VPS13B: variants seen among roughly 807,000 people sequenced by gnomAD.
The protein encoded by VPS13B is intermembrane lipid transfer protein VPS13B.
In VPS13B, 285 loss-of-function variants were observed where a neutral mutation model predicts 426.4. The ratio of observed to expected loss-of-function variants is 0.67; its 90% CI spans 0.61 to 0.74. The LOEUF is 0.74. Among genes scored for constraint, VPS13B ranks in the 30% least tolerant of loss-of-function variants. VPS13B has a pLI of 0.00. For synonymous variants in VPS13B, 1,676 were observed against 1,676.4 expected, an observed-to-expected ratio of 1.00 and a Z score of 0.01; for missense variants, 4,537 against 4,782.6, an observed-to-expected ratio of 0.95 and a Z score of 1.51.
Position 99,013,765 on chromosome 8 carries a change from G to C in VPS13B, c.-24G>C. The C allele has an allele frequency of 6.2e-7, 1 of 1,613,780 alleles. No individual in the cohort carries two copies. The highest frequency in any genetic ancestry group is 8.5e-7 in the Non-Finnish European group (1 of 1,179,898). On this transcript the variant is annotated 5_prime_UTR_variant, in exon 2 of 62. Transcript: ENST00000357162. Reference sequence around the variant, plus strand: ...TTTCTGTCTACTCCTTTCAGCTTCCGACTTCGACTCCTTACCTTAAAAGAT... The same window carrying C: ...TTTCTGTCTACTCCTTTCAGCTTCCCACTTCGACTCCTTACCTTAAAAGAT...
chr8:99,852,734 T>C (rs1002953590), intron 55 of VPS13B, among the ~76,000 whole-genome samples: 1 of 152,112 alleles, frequency 6.6e-6, no homozygotes, highest in African/African-American at 2.4e-5. Context: ...ACAGTGTGTA[T>C]AGAACACACT....
chr8:99,619,070 T>C lies in VPS13B; in HGVS notation c.5221-22741T>C, dbSNP rs559507602. ...TCTGCACTTCACGGTGGCCAAGTTG[T>C]TTCCCAAAGCTACCTTATAAGCATG... On this transcript the variant is annotated intron_variant, in intron 33 of 61. Transcript: ENST00000357162. 2.0e-5 allele frequency among the ~76,000 whole-genome samples: 3 copies of C among 152,348 alleles called. No individual in the cohort carries two copies. In the South Asian group the frequency reaches 6.2e-4, roughly 32 times the overall value.
intron 43 of VPS13B, among the ~76,000 whole-genome samples, chr8:99,807,687 G>T (rs556633287): frequency 2.0e-5 from 3 of 151,624 alleles, no homozygotes; most frequent in African/African-American, 7.3e-5. Flanking sequence ...TTGTGTGTGT[G>T]TGTGTGTGTG....
chr8:99,375,067 A>G (rs945863168), intron 19 of VPS13B, among the ~76,000 whole-genome samples: 12 of 152,118 alleles, frequency 7.9e-5, no homozygotes, highest in Non-Finnish European at 1.6e-4. Flanking sequence ...TCATCTCTCC[A>G]GCCTTGCTTC....
chr8:99,518,692 G>A (rs1351111603), intron 29 of VPS13B, among the ~76,000 whole-genome samples: 1 of 151,688 alleles, frequency 6.6e-6, no homozygotes, highest in Admixed American at 6.6e-5. Context: ...TAATTCTGAC[G>A]TTCTTTCCTT....
intron 3 of VPS13B, 55 bp downstream of exon 3, chr8:99,038,621 C>CATTTCTT: frequency 7.1e-7 from 1 of 1,413,764 alleles, no homozygotes; most frequent in South Asian, 1.2e-5. Flanking sequence ...TAGTATTTGA[C>CATTTCTT]ATTTCTTTAC....
chr8:99,497,266 A>G (rs1447886503), intron 25 of VPS13B, among the ~76,000 whole-genome samples: 1 of 141,914 alleles, frequency 7.0e-6, no homozygotes, highest in African/African-American at 2.5e-5. Context: ...TGTATCATAT[A>G]TGTATATATT....
intron 21 of VPS13B, among the ~76,000 whole-genome samples, chr8:99,416,230 C>A (rs1429533412): frequency 6.6e-6 from 1 of 152,130 alleles, no homozygotes; most frequent in African/African-American, 2.4e-5. Context: ...GGAAAATCAC[C>A]TATTCAAGCC....
Position 99,506,053 on chromosome 8 carries a change from C to T in VPS13B, c.4158-1084C>T, listed in dbSNP as rs138849732. Among the ~76,000 whole-genome samples the T allele has an allele frequency of 6.3e-3, 963 of 152,082 alleles. 8 individuals carry two copies. Among genetic ancestry groups the T allele is most frequent in the African/African-American group, 0.022 (904 of 41,464 alleles). On this transcript the variant is annotated intron_variant, in intron 27 of 61. Transcript: ENST00000357162. Reference sequence around the variant, plus strand: ...CTATATTTTATATTTGTTAAGATGCCTGCAACCCAGTTGATGGCTCTGATT... The same window carrying T: ...CTATATTTTATATTTGTTAAGATGCTTGCAACCCAGTTGATGGCTCTGATT...
Position 99,084,196 on chromosome 8 carries a change from C to T in VPS13B, c.292-12116C>T, listed in dbSNP as rs146165309. Among the ~76,000 whole-genome samples the T allele has an allele frequency of 5.4e-3, 814 of 151,950 alleles. 6 individuals are homozygous for T. Among genetic ancestry groups the T allele is most frequent in the African/African-American group, 0.018 (759 of 41,480 alleles). Reference sequence around the variant, plus strand: ...CTGGGTTAGTCTTGGGAGGGTGTGTCGAGGAATTTATCCATTTCTTCTAGA... The same window carrying T: ...CTGGGTTAGTCTTGGGAGGGTGTGTTGAGGAATTTATCCATTTCTTCTAGA... On this transcript the variant is annotated intron_variant, in intron 3 of 61. Transcript: ENST00000357162.
At chr8:99,657,470 T>TGTG (rs60760111) in intron 34 of VPS13B, among the ~76,000 whole-genome samples, 17 of 146,906 alleles carry the variant, frequency 1.2e-4, no homozygotes, top group African/African-American at 3.5e-4. Context: ...ACTTTAAAAA[T>TGTG]TGTGTGTGTG....
intron 3 of VPS13B, among the ~76,000 whole-genome samples, chr8:99,058,534 A>G (rs1443949825): frequency 6.6e-6 from 1 of 152,122 alleles, no homozygotes; most frequent in Non-Finnish European, 1.5e-5. Flanking sequence ...TGAGATTAAA[A>G]TATATCAGGA....
intron 3 of VPS13B, among the ~76,000 whole-genome samples, chr8:99,045,881 C>G (rs1843219937): frequency 6.6e-6 from 1 of 152,144 alleles, no homozygotes; most frequent in African/African-American, 2.4e-5. Flanking sequence ...TTTCTGGGTT[C>G]TCTATTCTGT....
intron 3 of VPS13B, among the ~76,000 whole-genome samples, chr8:99,059,767 C>G (rs1396810544): frequency 9.0e-6 from 1 of 111,608 alleles, no homozygotes; most frequent in Non-Finnish European, 1.7e-5. Flanking sequence ...GGGTTTTGCT[C>G]TGTCACCCAG....
At chr8:99,118,741 T>C (rs1240304273) in intron 7 of VPS13B, among the ~76,000 whole-genome samples, 1 of 151,986 alleles carries the variant, frequency 6.6e-6, no homozygotes, top group Non-Finnish European at 1.5e-5. Context: ...CATTGCTACA[T>C]ACACTGTATG....
chr8:99,726,090 C>T (rs745411706), intron 39 of VPS13B, among the ~76,000 whole-genome samples: 1 of 152,092 alleles, frequency 6.6e-6, no homozygotes, highest in African/African-American at 2.4e-5. Context: ...ACAAACTCCC[C>T]ATATCACTTT....
At chr8:99,327,973 T>C (rs1001129701) in intron 19 of VPS13B, among the ~76,000 whole-genome samples, 2 of 152,230 alleles carry the variant, frequency 1.3e-5, no homozygotes, top group African/African-American at 4.8e-5. Context: ...CTAGGAGATA[T>C]ACTTTTAAAG....
chr8:99,603,238 A>G (rs1202194683), intron 33 of VPS13B, among the ~76,000 whole-genome samples: 1 of 152,214 alleles, frequency 6.6e-6, no homozygotes, highest in African/African-American at 2.4e-5. Context: ...AAGAGGGAAG[A>G]TCACCACAGA....
chr8:99,771,468 C>T (rs1811484780), intron 40 of VPS13B, among the ~76,000 whole-genome samples: 1 of 152,122 alleles, frequency 6.6e-6, no homozygotes, highest in Admixed American at 6.5e-5. Context: ...ATTTTTTCTT[C>T]CTACTCCCTT....
Sources: gnomAD v4.1 joint callset for allele counts (sites outside exome capture counted in the v4.1 genomes callset) on GRCh38, gnomAD v4.1.1 for gene constraint, MANE v1.5 for transcripts, NCBI Gene and HGNC (gene_info 2026-07-23, HGNC 2026-07-21) for gene names.